The following HDAC4 variants were observed in gnomAD, a reference collection of about 807,000 sequenced individuals.
The protein encoded by HDAC4 is histone deacetylase 4, also known as histone deacetylase A.
In HDAC4, 16 loss-of-function variants were observed where a neutral mutation model predicts 135.1. That is an observed-to-expected ratio of 0.12 (90% CI 0.08 to 0.18). HDAC4 has a LOEUF of 0.18. Ranked by LOEUF, HDAC4 falls within the 10% of genes least tolerant of loss-of-function variation. The pLI is 1.00. For missense variants in HDAC4, 1,143 were observed against 1,511.8 expected (o/e 0.76, Z 4.05); for synonymous variants, 685 against 653.4 (o/e 1.05, Z -0.74).
intron 7 of HDAC4, 116 bp from the exon 8 acceptor site, chr2:239,144,830 T>A (rs2290088): frequency 2.9e-6 from 3 of 1,037,572 alleles, no homozygotes; most frequent in Non-Finnish European, 4.5e-6. Flanking sequence ...TCAACACTGC[T>A]GTGTTGCTGC....
chr2:239,092,639 A>G (rs2036623165), intron 17 of HDAC4, among the ~76,000 whole-genome samples: 2 of 152,010 alleles, frequency 1.3e-5, no homozygotes, highest in Non-Finnish European at 2.9e-5. Flanking sequence ...AAACTGCAGG[A>G]CCCCAGTCCC....
chr2:239,157,426 T>A (rs1219364456), intron 6 of HDAC4, among the ~76,000 whole-genome samples: 1 of 152,154 alleles, frequency 6.6e-6, no homozygotes, highest in African/African-American at 2.4e-5. Context: ...GGACTTCCTG[T>A]ATGAACAGCT....
Position 239,111,645 on chromosome 2 carries a change from G to A in HDAC4, c.1859C>T (p.Ala620Val). ...LRNYQASMEA[A>V]GIPVSFGGHR... Reference sequence around the variant, plus strand: ...GCCGCCGAAGGACACGGGGATGCCGGCGGCCTCCATGGACGCCTGGTAGTT... The same window carrying A: ...GCCGCCGAAGGACACGGGGATGCCGACGGCCTCCATGGACGCCTGGTAGTT... The change falls in exon 14 of 27, where the codon GCC becomes GTC. Residue 620 changes from alanine to valine, a missense_variant. Coordinates refer to ENST00000543185, the MANE Select transcript of HDAC4 (RefSeq NM_001378414.1). 1 of 1,607,868 alleles carries A rather than the reference G, an allele frequency of 6.2e-7. No homozygotes were observed. The highest frequency in any genetic ancestry group is 8.5e-7 in the Non-Finnish European group (1 of 1,177,890).
chr2:239,239,697 C>A (rs2048068533), intron 2 of HDAC4, among the ~76,000 whole-genome samples: 1 of 152,192 alleles, frequency 6.6e-6, no homozygotes, highest in Non-Finnish European at 1.5e-5. Flanking sequence ...CCTGGCTAGT[C>A]TCATAACAAC....
chr2:239,076,302 C>T (rs568531192), intron 22 of HDAC4, among the ~76,000 whole-genome samples: 4 of 152,348 alleles, frequency 2.6e-5, no homozygotes, highest in Admixed American at 6.5e-5. Flanking sequence ...GAAAGGCCAT[C>T]GCTCGTGCAG....
chr2:239,236,489 T>TCC lies in HDAC4; in HGVS notation c.94+102_94+103dup, dbSNP rs140324209. 817 of 889,776 alleles carry TCC rather than the reference T, an allele frequency of 9.2e-4. 4 individuals are homozygous for TCC. In the African/African-American group the frequency reaches 0.012, roughly 13 times the overall value. The allele number at this position is 889,776 out of a possible 1,614,324, so 55.1% of individuals were successfully genotyped here. A position where few individuals can be genotyped will look rare whatever the true frequency, so the allele number is the denominator to read the frequency against. On this transcript the variant is annotated intron_variant, in intron 3 of 26. Transcript: ENST00000543185. ...TTCAGTGAACCTGATACCCCACACC[T>TCC]CCCCCCTCGCCCTCTCTGCACTCCT...
At chr2:239,084,405 T>C (rs578192852) in intron 19 of HDAC4, among the ~76,000 whole-genome samples, 163 bp from the exon 20 acceptor site, 1 of 151,616 alleles carries the variant, frequency 6.6e-6, no homozygotes, top group South Asian at 2.1e-4. Flanking sequence ...TGCCGGAGAA[T>C]CGGTTAACAG....
At chr2:239,278,366 T>G (rs2050513682) in intron 2 of HDAC4, among the ~76,000 whole-genome samples, 1 of 152,188 alleles carries the variant, frequency 6.6e-6, no homozygotes, top group Admixed American at 6.5e-5. Context: ...AAGAAAAGGA[T>G]AATTTTTAAA....
chr2:239,193,704 G>T (rs1490581797), intron 3 of HDAC4, among the ~76,000 whole-genome samples: 1 of 152,258 alleles, frequency 6.6e-6, no homozygotes, highest in East Asian at 1.9e-4. Context: ...AGCAACTCTG[G>T]TGCTGGGGAG....
chr2:239,362,158 C>G (rs1358198796), intron 1 of HDAC4, among the ~76,000 whole-genome samples: 1 of 152,228 alleles, frequency 6.6e-6, no homozygotes, highest in Non-Finnish European at 1.5e-5. Flanking sequence ...TTACAAGCAC[C>G]TTTAGCAAGA....
chr2:239,222,534 CAA>C (rs10716644), intron 3 of HDAC4, among the ~76,000 whole-genome samples: 5,026 of 112,260 alleles, frequency 0.045, 312 homozygotes, highest in African/African-American at 0.16. Flanking sequence ...TACCCCATAC[CAA>C]AAAAAAAAAA....
intron 2 of HDAC4, among the ~76,000 whole-genome samples, chr2:239,238,642 T>C (rs2048018577): frequency 6.6e-6 from 1 of 152,204 alleles, no homozygotes; most frequent in Non-Finnish European, 1.5e-5. Context: ...CATGAAGCCC[T>C]TTCTTGAGTT....
At chr2:239,257,254 A>G (rs961975778) in intron 2 of HDAC4, among the ~76,000 whole-genome samples, 3 of 152,168 alleles carry the variant, frequency 2.0e-5, no homozygotes, top group Non-Finnish European at 4.4e-5. Flanking sequence ...AAAAAAAAGA[A>G]AAAAGGTGAA....
intron 1 of HDAC4, among the ~76,000 whole-genome samples, chr2:239,367,584 T>G (rs1469108685): frequency 6.6e-6 from 1 of 152,222 alleles, no homozygotes; most frequent in Non-Finnish European, 1.5e-5. Context: ...GAAAATTCCA[T>G]ACCTGACCTC....
chr2:239,281,627 C>G (rs1275523018), intron 2 of HDAC4, among the ~76,000 whole-genome samples: 60 of 150,728 alleles, frequency 4.0e-4, no homozygotes, highest in African/African-American at 1.4e-3. Flanking sequence ...AATGTACACA[C>G]CACTCTACAA....
In HDAC4 at chr2:239,145,817, C is replaced by T. The variant is rs544599269; in HGVS notation, c.734-1103G>A. Reference sequence around the variant, plus strand: ...AATGAGACGGAGTTTCTCCTGGAAGCAGGACTGATGTGGCTGGGCGATGGG... The same window carrying T: ...AATGAGACGGAGTTTCTCCTGGAAGTAGGACTGATGTGGCTGGGCGATGGG... On this transcript the variant is annotated intron_variant, in intron 7 of 26. Transcript: ENST00000543185. Among the ~76,000 whole-genome samples, 5 of 152,340 alleles carry T rather than the reference C, an allele frequency of 3.3e-5. No homozygotes were observed. In the South Asian group the frequency reaches 8.3e-4, roughly 25 times the overall value.
chr2:239,360,111 C>G (rs528459484), intron 1 of HDAC4, among the ~76,000 whole-genome samples: 1 of 152,178 alleles, frequency 6.6e-6, no homozygotes, highest in African/African-American at 2.4e-5. Context: ...CAGGAATTAA[C>G]GGAGAGTCCC....
At chr2:239,286,497 G>A (rs1017498986) in intron 2 of HDAC4, among the ~76,000 whole-genome samples, 4 of 152,034 alleles carry the variant, frequency 2.6e-5, no homozygotes, top group African/African-American at 7.2e-5. Flanking sequence ...CTGAGGAGGT[G>A]TGACAGCTGA....
At chr2:239,099,890 TC>T (rs890349269) in intron 16 of HDAC4, among the ~76,000 whole-genome samples, 12 of 152,246 alleles carry the variant, frequency 7.9e-5, no homozygotes, top group Non-Finnish European at 1.8e-4. Context: ...CAGCGTGTCC[TC>T]CGGTGGCTTC....
Sources: allele counts gnomAD v4.1 joint callset (sites outside exome capture counted in the v4.1 genomes callset), GRCh38; gene constraint gnomAD v4.1.1; transcripts MANE v1.5; gene names NCBI Gene and HGNC (gene_info 2026-07-23, HGNC 2026-07-21).